The following CMYA5 variants were observed in gnomAD, a reference collection of about 807,000 sequenced individuals.
CMYA5 encodes cardiomyopathy associated 5.
A neutral mutation model predicts 318.9 loss-of-function variants in CMYA5; 246 were observed. The ratio of observed to expected loss-of-function variants is 0.77; its 90% CI spans 0.70 to 0.86. The LOEUF (loss-of-function observed/expected upper bound fraction) is 0.86. Ranked by LOEUF, CMYA5 falls within the 40% of genes least tolerant of loss-of-function variation. The probability of loss-of-function intolerance (pLI) is 0.00; values close to 1 mark genes in which losing one functional copy is unlikely to be tolerated. For synonymous variants in CMYA5, 1,641 were observed against 1,729.5 expected, an observed-to-expected ratio of 0.95 and a Z score of 1.27; for missense variants, 4,589 against 4,678.2, an observed-to-expected ratio of 0.98 and a Z score of 0.56.
In CMYA5 at chr5:79,738,564, G is replaced by T. The variant is rs148103804; in HGVS notation, c.9799G>T (p.Val3267Phe). The change falls in exon 2 of 13, where the codon GTT becomes TTT. Residue 3267 changes from valine to phenylalanine, a missense_variant. By Grantham distance (50) the Val-to-Phe change is conservative (BLOSUM62 -1). This residue lies in a region of CMYA5 where 2,431 missense variants were observed against 2,495.1 expected (regional missense o/e 0.97). Coordinates refer to ENST00000446378, the MANE Select transcript of CMYA5 (RefSeq NM_153610.5). ...DQGQGLEEKR[V>F]GKDDSYQPIA... Reference sequence around the variant, plus strand: ...GGGCCAAGGTCTGGAAGAAAAACGAGTTGGTAAGGATGATTCATACCAACC... The same window carrying T: ...GGGCCAAGGTCTGGAAGAAAAACGATTTGGTAAGGATGATTCATACCAACC... 9.9e-6 allele frequency: 16 copies of T among 1,613,582 alleles called. No individual in the cohort carries two copies. Among genetic ancestry groups the T allele is most frequent in the Non-Finnish European group, 1.4e-5 (16 of 1,179,862 alleles).
At chr5:79,714,331 G>C (rs867332289) in intron 1 of CMYA5, among the ~76,000 whole-genome samples, 3 of 151,318 alleles carry the variant, frequency 2.0e-5, no homozygotes, top group Non-Finnish European at 4.4e-5. Context: ...TTATATTCCA[G>C]ACCCTCCTCT....
rs984543765 is a variant in CMYA5, at chr5:79,738,031, A to G, written c.9266A>G (p.Glu3089Gly). 1.2e-6 allele frequency: 2 copies of G among 1,613,300 alleles called. No homozygotes were observed. Among genetic ancestry groups the G allele is most frequent in the Non-Finnish European group, 1.7e-6 (2 of 1,179,732 alleles). The change falls in exon 2 of 13, where the codon GAA (glutamate) becomes GGA (glycine). Residue 3089 changes from glutamate (E) to glycine (G), a missense_variant. Transcript: ENST00000446378. ...AAACTCTCAAAGGAAGTTACAGAAG[A>G]AACTATCTCTTTCCCAGTAAGTTCA... ...EEKLSKEVTE[E>G]TISFPVSSVE...
rs1561205689 is a variant in CMYA5, at chr5:79,729,863, GC to G, written c.1100del (p.Pro367GlnfsTer15). The G allele has an allele frequency of 3.1e-6, 5 of 1,612,476 alleles. No homozygotes were observed. The highest frequency in any genetic ancestry group is 4.2e-6 in the Non-Finnish European group (5 of 1,179,106). On this transcript the variant is annotated frameshift_variant, in exon 2 of 13. Coordinates refer to ENST00000446378, the MANE Select transcript of CMYA5 (RefSeq NM_153610.5). LOFTEE classifies it high-confidence loss of function. Reference protein sequence around the residue: ...LRHSQSVPQQPEDEAKPHEVE... With the variant: ...LRHSQSVPQQXEDEAKPHEVE... ...GGCATTCACAGTCAGTGCCACAACAGCCAGAAGATGAAGCAAAACCACATGA... is the reference window on the plus strand; with the variant it reads ...GGCATTCACAGTCAGTGCCACAACAGCAGAAGATGAAGCAAAACCACATGA...
At chr5:79,763,605 C>T (rs1005397759) in intron 9 of CMYA5, among the ~76,000 whole-genome samples, 4 of 152,110 alleles carry the variant, frequency 2.6e-5, no homozygotes, top group African/African-American at 9.7e-5. Context: ...GGAATGTCTC[C>T]ATGATAGATT....
rs779531611 is a variant in CMYA5, at chr5:79,732,405, C to T, written c.3640C>T (p.Gln1214Ter). 9.3e-6 allele frequency: 15 copies of T among 1,613,536 alleles called. No individual in the cohort carries two copies. The Admixed American group carries it at 1.2e-4, about 13-fold the overall frequency. Residue 1214 changes from glutamine to a stop codon, truncating the protein, a stop_gained, in exon 2 of 13, where the codon CAA becomes TAA. Coordinates refer to ENST00000446378, the MANE Select transcript of CMYA5 (RefSeq NM_153610.5). LOFTEE classifies it high-confidence loss of function. Reference protein sequence around the residue: ...VRKEEIVPDSQEATAHVSQDQ... With the variant: ...VRKEEIVPDS Reference sequence around the variant, plus strand: ...AAAGGAAGAAATTGTGCCTGATTCTCAAGAAGCTACAGCACATGTATCACA... The same window carrying T: ...AAAGGAAGAAATTGTGCCTGATTCTTAAGAAGCTACAGCACATGTATCACA...
At chr5:79,712,824 T>C (rs559673046) in intron 1 of CMYA5, among the ~76,000 whole-genome samples, 4 of 152,226 alleles carry the variant, frequency 2.6e-5, no homozygotes, top group African/African-American at 7.2e-5. Context: ...GTGTAACAGG[T>C]GGGGAGAAGT....
chr5:79,749,747 C>T (rs1828396329), intron 5 of CMYA5, among the ~76,000 whole-genome samples: 1 of 152,086 alleles, frequency 6.6e-6, no homozygotes, highest in Non-Finnish European at 1.5e-5. Flanking sequence ...GAAATGTAAA[C>T]AAACATAAAG....
chr5:79,750,136 C>T (rs557287667), intron 5 of CMYA5, among the ~76,000 whole-genome samples: 1 of 152,058 alleles, frequency 6.6e-6, no homozygotes, highest in Non-Finnish European at 1.5e-5. Context: ...CATGACATTA[C>T]AAGAAGAAGT....
chr5:79,743,831 A>G lies in CMYA5; in HGVS notation c.10643A>G (p.Gln3548Arg). The G allele has an allele frequency of 6.6e-7, 1 of 1,515,354 alleles. No individual in the cohort carries two copies. The highest frequency in any genetic ancestry group is 9.0e-7 in the Non-Finnish European group (1 of 1,116,684). The allele number at this position is 1,515,354 out of a possible 1,614,324, so 93.9% of individuals were successfully genotyped here. Residue 3548 changes from glutamine (Q) to arginine (R), a missense_variant, in exon 3 of 13, where the codon CAA becomes CGA. By Grantham distance (43) the Gln-to-Arg change is conservative. Transcript: ENST00000446378. ...LDTAISAVKV[Q>R]LAEFLENLQE... ...TATCTTAATTCTTTTCTTCAGGTTC[A>G]ATTAGCAGAATTTCTAGAAAATTTA...
Position 79,761,948 on chromosome 5 carries a change from T to C in CMYA5, c.11398T>C (p.Phe3800Leu), listed in dbSNP as rs1409471802. 1 of 1,613,048 alleles carries C rather than the reference T, an allele frequency of 6.2e-7. No homozygotes were observed. The highest frequency in any genetic ancestry group is 8.5e-7 in the Non-Finnish European group (1 of 1,179,580). The change falls in exon 8 of 13, where the codon TTT (phenylalanine) becomes CTT (leucine). Residue 3800 changes from phenylalanine to leucine, a missense_variant. Coordinates refer to ENST00000446378, the MANE Select transcript of CMYA5 (RefSeq NM_153610.5). Reference sequence around the variant, plus strand: ...TAGCCTGCCCAGTGAAAGGGCCATCTTTAGGACAGGTAAGGAGATGGATGC... The same window carrying C: ...TAGCCTGCCCAGTGAAAGGGCCATCCTTAGGACAGGTAAGGAGATGGATGC... Reference protein sequence around the residue: ...GCSLPSERAIFRTAPSTPVIR... With the variant: ...GCSLPSERAILRTAPSTPVIR...
chr5:79,784,772 C>T (rs1170119912), intron 9 of CMYA5, among the ~76,000 whole-genome samples: 84 of 147,310 alleles, frequency 5.7e-4, no homozygotes, highest in African/African-American at 1.9e-3. Flanking sequence ...CGCCCTGCTT[C>T]GGCTCGCTCA....
chr5:79,695,702 G>T (rs1827054674), intron 1 of CMYA5, among the ~76,000 whole-genome samples: 2 of 152,236 alleles, frequency 1.3e-5, no homozygotes, highest in South Asian at 2.1e-4. Flanking sequence ...CCCTCAAGGA[G>T]CTCAGTCTGG....
At chr5:79,700,754 C>T (rs1827158273) in intron 1 of CMYA5, among the ~76,000 whole-genome samples, 2 of 152,040 alleles carry the variant, frequency 1.3e-5, no homozygotes, top group African/African-American at 4.8e-5. Context: ...CTATCATTTG[C>T]AGAGATGTGG....
rs761824171 is a variant in CMYA5 at position 79,736,674 on chromosome 5, C to T, written c.7909C>T (p.Pro2637Ser). 3 of 1,613,492 alleles carry T rather than the reference C, an allele frequency of 1.9e-6. No homozygotes were observed. Among genetic ancestry groups the T allele is most frequent in the Admixed American group, 3.3e-5 (2 of 59,916 alleles). The change falls in exon 2 of 13, where the codon CCG (proline) becomes TCG (serine). Residue 2637 changes from proline (P) to serine (S), a missense_variant. This residue lies in a region of CMYA5 where 2,431 missense variants were observed against 2,495.1 expected (regional missense o/e 0.97). Transcript: ENST00000446378. ...VLVEKTKTFL[P>S]VALSCRDEIE... ...GGTGGAGAAAACCAAGACTTTCCTG[C>T]CGGTGGCTCTTTCTTGTCGTGATGA...
At chr5:79,771,106 T>A (rs1437782385) in intron 9 of CMYA5, among the ~76,000 whole-genome samples, 4 of 152,006 alleles carry the variant, frequency 2.6e-5, no homozygotes, top group African/African-American at 9.6e-5. Flanking sequence ...TATTGAGCAT[T>A]TACTATGTGC....
rs773899130 is a variant in CMYA5, at chr5:79,758,827, A to C, written c.11185A>C (p.Met3729Leu). The stretch of plus-strand genomic sequence containing the variant: ...CACAACAATTGCAGTTTACTGGAGC[A>C]TGAACAAGGAAGATGTCATTGATTC... ...TSTTIAVYWS[M>L]NKEDVIDSFQ... Residue 3729 changes from methionine to leucine, a missense_variant, in exon 7 of 13, where the codon ATG becomes CTG. Physicochemically the swap from Met to Leu is conservative, Grantham distance 15. Transcript: ENST00000446378. 1 of 1,604,972 alleles carries C rather than the reference A, an allele frequency of 6.2e-7. No homozygotes were observed.
intron 1 of CMYA5, among the ~76,000 whole-genome samples, chr5:79,711,554 TG>T (rs1827388927): frequency 6.6e-6 from 1 of 152,228 alleles, no homozygotes; most frequent in Admixed American, 6.5e-5. Context: ...AAGGCTACAT[TG>T]GAGAAAGAAA....
At chr5:79,748,524 T>TCTATCTATCTATCTAC (rs1391594336) in intron 5 of CMYA5, among the ~76,000 whole-genome samples, 5 of 39,230 alleles carry the variant, frequency 1.3e-4, no homozygotes, top group African/African-American at 1.1e-3. Flanking sequence ...TATCTACCTA[T>TCTATCTATCTATCTAC]CTATCTATCT....
intron 9 of CMYA5, among the ~76,000 whole-genome samples, chr5:79,768,123 C>T (rs1391018881): frequency 2.0e-5 from 3 of 151,862 alleles, no homozygotes; most frequent in Non-Finnish European, 2.9e-5. Flanking sequence ...GATTGCAACC[C>T]CTGCTTTTTT....
Sources: gnomAD v4.1 joint callset for allele counts (sites outside exome capture counted in the v4.1 genomes callset) on GRCh38, gnomAD v4.1.1 for gene constraint, gnomAD v4.1.1 regional missense constraint, MANE v1.5 for transcripts, NCBI Gene and HGNC (gene_info 2026-07-23, HGNC 2026-07-21) for gene names.